The following SUCLG2 variants were observed in gnomAD, a reference collection of about 807,000 sequenced individuals.
SUCLG2 encodes the protein succinate-CoA ligase GDP-forming subunit beta, also known as succinate--CoA ligase [GDP-forming] subunit beta, mitochondrial.
In SUCLG2, 42 loss-of-function variants were observed where a neutral mutation model predicts 47.9. That is an observed-to-expected ratio of 0.88 (90% CI 0.69 to 1.14). The LOEUF (loss-of-function observed/expected upper bound fraction) is 1.14. SUCLG2 is among the 50% of genes most tolerant of loss of function. The pLI is 0.00. For synonymous variants in SUCLG2, 195 were observed against 197.3 expected (o/e 0.99, Z 0.10); for missense variants, 571 against 525.9 (o/e 1.09, Z -0.84).
At chr3:67,470,045 CAA>C (rs200817099) in intron 9 of SUCLG2, among the ~76,000 whole-genome samples, 4,633 of 96,330 alleles carry the variant, frequency 0.048, 102 homozygotes, top group East Asian at 0.15. Flanking sequence ...AACTCCATAT[CAA>C]AAAAAAAAAA....
Position 67,560,879 on chromosome 3 carries a change from G to A in SUCLG2, c.227-31693C>T, listed in dbSNP as rs148243444. Among the ~76,000 whole-genome samples the A allele has an allele frequency of 4.2e-3, 634 of 151,650 alleles. 5 individuals carry two copies. Among genetic ancestry groups the A allele is most frequent in the Middle Eastern group, 0.01 (3 of 294 alleles). The stretch of plus-strand genomic sequence containing the variant: ...TGCCTAGCCTTGAGATGCCTTAGGT[G>A]TCAGTGATCAATTAAAACAGATAAG... On this transcript the variant is annotated intron_variant, in intron 2 of 10. Transcript: ENST00000307227.
intron 10 of SUCLG2, among the ~76,000 whole-genome samples, chr3:67,388,780 G>A (rs564933163): frequency 1.3e-5 from 2 of 152,160 alleles, no homozygotes; most frequent in South Asian, 4.1e-4. Context: ...TATTCAACAT[G>A]GACTATTATA....
intron 1 of SUCLG2, among the ~76,000 whole-genome samples, chr3:67,654,110 G>A (rs1457414439): frequency 1.3e-5 from 2 of 152,222 alleles, no homozygotes; most frequent in East Asian, 3.9e-4. Flanking sequence ...ACGTGCTCAG[G>A]GTTAGTGCCA....
intron 1 of SUCLG2, among the ~76,000 whole-genome samples, chr3:67,637,591 A>G (rs1421302441): frequency 1.3e-5 from 2 of 152,246 alleles, no homozygotes; most frequent in Non-Finnish European, 2.9e-5. Flanking sequence ...AAGGGTTTAT[A>G]TAAATACACT....
intron 9 of SUCLG2, among the ~76,000 whole-genome samples, chr3:67,466,789 G>A (rs1455317353): frequency 1.3e-5 from 2 of 152,146 alleles, no homozygotes; most frequent in African/African-American, 2.4e-5. Context: ...GTGTGATAAC[G>A]ACAAAATGGA....
intron 9 of SUCLG2, among the ~76,000 whole-genome samples, chr3:67,489,781 C>T (rs1559545028): frequency 1.3e-5 from 2 of 152,176 alleles, no homozygotes; most frequent in Non-Finnish European, 2.9e-5. Context: ...CCTGAAGAAT[C>T]TCTGAGCAGA....
chr3:67,495,156 C>A (rs1178544945), intron 9 of SUCLG2, among the ~76,000 whole-genome samples: 1 of 152,138 alleles, frequency 6.6e-6, no homozygotes, highest in East Asian at 1.9e-4. Context: ...TAGTACTCTT[C>A]CCTCTAAATC....
chr3:67,437,801 T>A (rs907259327), intron 9 of SUCLG2, among the ~76,000 whole-genome samples: 1 of 152,134 alleles, frequency 6.6e-6, no homozygotes, highest in Admixed American at 6.6e-5. Context: ...CAGAATAATT[T>A]AATTACTACC....
At position 67,518,235 on chromosome 3, in the gene SUCLG2, T is replaced by A; in HGVS notation, c.660+12A>T. 1 of 1,602,588 alleles carries A rather than the reference T, an allele frequency of 6.2e-7. No homozygotes were observed. The highest frequency in any genetic ancestry group is 1.3e-5 in the African/African-American group (1 of 74,774). ...ACAAGTCAGACACACCATCCCCCAA[T>A]GGCTTATATACCTGGCTTTTCAAAG... is the stretch of plus-strand genomic sequence containing the variant. On this transcript the variant is annotated intron_variant, in intron 6 of 10. Transcript: ENST00000307227.
chr3:67,393,125 T>C (rs1702430739), intron 10 of SUCLG2, among the ~76,000 whole-genome samples: 1 of 152,238 alleles, frequency 6.6e-6, no homozygotes, highest in East Asian at 1.9e-4. Flanking sequence ...CATTTCCATC[T>C]GAGGTACCGG....
At chr3:67,580,706 C>A (rs540796553) in intron 2 of SUCLG2, among the ~76,000 whole-genome samples, 1 of 152,172 alleles carries the variant, frequency 6.6e-6, no homozygotes, top group Admixed American at 6.5e-5. Flanking sequence ...GAAGCTGTTT[C>A]ATCTTCCAAA....
chr3:67,406,019 T>C (rs1389190076), intron 9 of SUCLG2, among the ~76,000 whole-genome samples: 1 of 152,128 alleles, frequency 6.6e-6, no homozygotes, highest in Admixed American at 6.5e-5. Context: ...AGCCCTACAA[T>C]GAGTGATGGC....
At chr3:67,463,391 C>A (rs940325714) in intron 9 of SUCLG2, among the ~76,000 whole-genome samples, 4 of 152,176 alleles carry the variant, frequency 2.6e-5, no homozygotes, top group Non-Finnish European at 5.9e-5. Context: ...GCCCAAGGAA[C>A]CCTGGTGCCT....
intron 9 of SUCLG2, among the ~76,000 whole-genome samples, chr3:67,481,963 G>T (rs1414454455): frequency 1.3e-5 from 2 of 152,216 alleles, no homozygotes; most frequent in Non-Finnish European, 2.9e-5. Flanking sequence ...CGGACCACCT[G>T]AGGTCAGGAG....
rs60992383 is a variant in SUCLG2, at chr3:67,615,621, A to AACACACACACACACACAC, written c.85-6043_85-6026dup. ...GCCACTGAACACAAACACAAACACA[A>AACACACACACACACACAC]ACACACACACACACACACACACACA... On this transcript the variant is annotated intron_variant, in intron 1 of 10. Coordinates refer to ENST00000307227, the MANE Select transcript of SUCLG2 (RefSeq NM_003848.4). 2.3e-3 allele frequency among the ~76,000 whole-genome samples: 325 copies of AACACACACACACACACAC among 142,160 alleles called. 2 individuals carry two copies. Among genetic ancestry groups the AACACACACACACACACAC allele is most frequent in the African/African-American group, 7.6e-3 (288 of 37,942 alleles). The allele number at this position is 142,160 out of a possible 152,430, so 93.3% of individuals were successfully genotyped here.
intron 7 of SUCLG2, among the ~76,000 whole-genome samples, chr3:67,500,390 T>A (rs1012983782): frequency 6.6e-6 from 1 of 152,236 alleles, no homozygotes; most frequent in African/African-American, 2.4e-5. Context: ...CGCACATGAC[T>A]TAAAGTAGCA....
chr3:67,649,670 C>T (rs1180089141), intron 1 of SUCLG2, among the ~76,000 whole-genome samples: 1 of 152,200 alleles, frequency 6.6e-6, no homozygotes, highest in African/African-American at 2.4e-5. Context: ...TCCTCACAAA[C>T]TCTCAAGATT....
chr3:67,388,194 C>T (rs139079602), intron 10 of SUCLG2, among the ~76,000 whole-genome samples: 422 of 152,282 alleles, frequency 2.8e-3, no homozygotes, highest in African/African-American at 9.6e-3. Context: ...GAGGGCACTG[C>T]CTTCCAAATT....
At chr3:67,382,599 G>C (rs941739722) in intron 10 of SUCLG2, among the ~76,000 whole-genome samples, 1 of 152,058 alleles carries the variant, frequency 6.6e-6, no homozygotes, top group Non-Finnish European at 1.5e-5. Context: ...CAAATAGCTG[G>C]GAGGAAAAAA....
Sources: allele counts gnomAD v4.1 joint callset (sites outside exome capture counted in the v4.1 genomes callset), GRCh38; gene constraint gnomAD v4.1.1; transcripts MANE v1.5; gene names NCBI Gene and HGNC (gene_info 2026-07-23, HGNC 2026-07-21).